The following KIF5C variants were observed in gnomAD, a reference collection of about 807,000 sequenced individuals.
KIF5C encodes kinesin heavy chain isoform 5C.
A neutral mutation model predicts 125.2 loss-of-function variants in KIF5C; 18 were observed. The observed-to-expected ratio is 0.14, with a 90% CI of 0.10 to 0.21. KIF5C has a LOEUF of 0.21. Ranked by LOEUF, KIF5C falls within the 10% of genes least tolerant of loss-of-function variation. The pLI, the probability that KIF5C is intolerant of heterozygous loss-of-function variation, is 1.00. For missense variants in KIF5C, 780 were observed against 1,183.8 expected, an observed-to-expected ratio of 0.66 and a Z score of 5.01; for synonymous variants, 405 against 434.0, an observed-to-expected ratio of 0.93 and a Z score of 0.83.
At chr2:148,958,796 A>G (rs1424985661) in intron 10 of KIF5C, among the ~76,000 whole-genome samples, 3 of 152,132 alleles carry the variant, frequency 2.0e-5, no homozygotes, top group African/African-American at 7.2e-5. Flanking sequence ...AGCCTGGCCA[A>G]CATGGTGAAA....
In KIF5C at chr2:148,884,671, T is replaced by A. The variant is rs138117157; in HGVS notation, c.126+8928T>A. On this transcript the variant is annotated intron_variant, in intron 1 of 25. Transcript: ENST00000435030. ...AATATGTATCTCTTTAATTTTAACA[T>A]AACCACAATAACACTATCACACATA... Among the ~76,000 whole-genome samples, 54 of 152,348 alleles carry A rather than the reference T, an allele frequency of 3.5e-4. No homozygotes were observed. The East Asian group carries it at 0.01, about 28-fold the overall frequency.
At chr2:148,993,152 A>G (rs1015536225) in intron 16 of KIF5C, among the ~76,000 whole-genome samples, 2 of 152,338 alleles carry the variant, frequency 1.3e-5, no homozygotes, top group East Asian at 1.9e-4. Context: ...AGGGTGGTCT[A>G]TAGGGGACAT....
At chr2:148,887,623 C>A (rs1681577684) in intron 1 of KIF5C, among the ~76,000 whole-genome samples, 1 of 151,648 alleles carries the variant, frequency 6.6e-6, no homozygotes, top group African/African-American at 2.4e-5. Flanking sequence ...GGCAGAGGGA[C>A]AATTTGATTC....
At chr2:148,955,202 T>C (rs1682762534) in intron 10 of KIF5C, among the ~76,000 whole-genome samples, 2 of 152,206 alleles carry the variant, frequency 1.3e-5, no homozygotes, top group African/African-American at 4.8e-5. Flanking sequence ...AGATGGGAAC[T>C]AGGTCTCAGA....
At chr2:148,992,834 G>A (rs1681562187) in intron 16 of KIF5C, among the ~76,000 whole-genome samples, 1 of 152,152 alleles carries the variant, frequency 6.6e-6, no homozygotes, top group African/African-American at 2.4e-5. Flanking sequence ...TATGCATTAG[G>A]CAACAGTGTA....
At chr2:149,007,450 G>A (rs60452678) in intron 22 of KIF5C, among the ~76,000 whole-genome samples, 3,401 of 152,184 alleles carry the variant, frequency 0.022, 83 homozygotes, top group Middle Eastern at 0.078. Flanking sequence ...TTTGAGCCTG[G>A]TTCATTAATT....
rs187629514 is a variant in KIF5C at position 149,025,249 on chromosome 2, G to A, written c.*2179G>A. On this transcript the variant is annotated 3_prime_UTR_variant, in exon 26 of 26. Transcript: ENST00000435030. ...TTTACTTTTATTCACAGAGAAAGTTGGCTTTGATGTCTCTTAAAGATAATT... is the reference window on the plus strand; with the variant it reads ...TTTACTTTTATTCACAGAGAAAGTTAGCTTTGATGTCTCTTAAAGATAATT... The A allele has an allele frequency of 4.1e-4, 62 of 152,696 alleles. No individual in the cohort carries two copies. Among genetic ancestry groups the A allele is most frequent in the African/African-American group, 1.4e-3 (58 of 41,564 alleles). The allele number at this position is 152,696 out of a possible 1,614,324, so 9.5% of individuals were successfully genotyped here.
chr2:148,889,033 G>C (rs185131018), intron 1 of KIF5C, among the ~76,000 whole-genome samples: 55 of 152,258 alleles, frequency 3.6e-4, no homozygotes, highest in Admixed American at 5.9e-4. Flanking sequence ...CATGCACAGA[G>C]CTGTGTTCTT....
In KIF5C at chr2:149,024,031, T is replaced by C. The variant is rs2105218223; in HGVS notation, c.*961T>C. 1 of 152,286 alleles carries C rather than the reference T, an allele frequency of 6.6e-6. No homozygotes were observed. Among genetic ancestry groups the C allele is most frequent in the South Asian group, 2.1e-4 (1 of 4,828 alleles). 9.4% of individuals were successfully genotyped at this position (152,286 alleles called of 1,614,324 possible). ...AAAGGAAGCCTTCGGGAGAAAGTGC[T>C]TGTCAAAATTTTGTTCTTTGTGCTT... On this transcript the variant is annotated 3_prime_UTR_variant, in exon 26 of 26. Transcript: ENST00000435030.
At position 148,994,532 on chromosome 2, in the gene KIF5C, G is replaced by A; in HGVS notation, c.2017G>A (p.Ala673Thr). 1 of 1,559,530 alleles carries A rather than the reference G, an allele frequency of 6.4e-7. No individual in the cohort carries two copies. The highest frequency in any genetic ancestry group is 8.7e-7 in the Non-Finnish European group (1 of 1,151,782). ...CAGCGAAGAGCTGGCAAAGCTCCGA[G>A]CCCAGGGTAAATATTTGACTAACGT... is the stretch of plus-strand genomic sequence containing the variant. ...SLSEELAKLR[A>T]QEKMHEVSFQ... Residue 673 changes from alanine (A) to threonine (T), a missense_variant, in exon 17 of 26, where the codon GCC (alanine) becomes ACC (threonine). This residue lies in a region of KIF5C where 573 missense variants were observed against 742.6 expected (regional missense o/e 0.77). Coordinates refer to ENST00000435030, the MANE Select transcript of KIF5C (RefSeq NM_004522.3).
intron 23 of KIF5C, 110 bp from the exon 24 acceptor site, chr2:149,010,025 C>G: frequency 6.9e-7 from 1 of 1,441,416 alleles, no homozygotes; most frequent in Admixed American, 2.9e-5. Flanking sequence ...GTGCCAAGGA[C>G]AACCTAGCAG....
chr2:148,892,603 G>C (rs1681741017), intron 1 of KIF5C, among the ~76,000 whole-genome samples: 1 of 152,142 alleles, frequency 6.6e-6, no homozygotes, highest in South Asian at 2.1e-4. Flanking sequence ...GGCTGTTTAG[G>C]ACCTTCCATA....
chr2:149,015,989 T>C (rs968072259), intron 25 of KIF5C, among the ~76,000 whole-genome samples: 1 of 152,168 alleles, frequency 6.6e-6, no homozygotes, highest in African/African-American at 2.4e-5. Context: ...AACACTGTTT[T>C]AGAAGAGGGG....
chr2:148,950,476 C>T lies in KIF5C; in HGVS notation c.968+14C>T. The T allele has an allele frequency of 3.7e-6, 6 of 1,610,514 alleles. No individual in the cohort carries two copies. Among genetic ancestry groups the T allele is most frequent in the Non-Finnish European group, 4.2e-6 (5 of 1,178,090 alleles). On this transcript the variant is annotated intron_variant, in intron 10 of 25. Transcript: ENST00000435030. Reference sequence around the variant, plus strand: ...GTTCGGACAGAGGTACGTGTGGTCTCTCAGGACCCATCCTCTGTGCTAGGT... The same window carrying T: ...GTTCGGACAGAGGTACGTGTGGTCTTTCAGGACCCATCCTCTGTGCTAGGT...
chr2:148,939,624 A>G (rs1405180711), intron 4 of KIF5C, among the ~76,000 whole-genome samples: 1 of 152,212 alleles, frequency 6.6e-6, no homozygotes, highest in East Asian at 1.9e-4. Flanking sequence ...CTAGGGCTGA[A>G]TTTTACAGTC....
In KIF5C at chr2:148,875,715, T is replaced by G. The variant is rs1681162236; in HGVS notation, c.98T>G (p.Phe33Cys). 1 of 1,603,768 alleles carries G rather than the reference T, an allele frequency of 6.2e-7. No homozygotes were observed. Among genetic ancestry groups the G allele is most frequent in the Non-Finnish European group, 8.5e-7 (1 of 1,175,692 alleles). Residue 33 changes from phenylalanine to cysteine, a missense_variant, in exon 1 of 26, where the codon TTT (phenylalanine) becomes TGT (cysteine). By Grantham distance (205) the Phe-to-Cys change is radical. Coordinates refer to ENST00000435030, the MANE Select transcript of KIF5C (RefSeq NM_004522.3). ...ILRGDKFIPK[F>C]KGDETVVIGQ... ...CGCGGGGACAAATTCATCCCCAAAT[T>G]TAAAGGCGATGAGACCGTGGTGATC... is the stretch of plus-strand genomic sequence containing the variant.
intron 1 of KIF5C, among the ~76,000 whole-genome samples, chr2:148,885,041 G>GCTCACTGCAACCTCCGCCTCCA (rs1263682061): frequency 6.6e-6 from 1 of 150,448 alleles, no homozygotes; most frequent in Non-Finnish European, 1.5e-5. Context: ...CACGATCTTG[G>GCTCACTGCAACCTCCGCCTCCA]CTCACTGCAA....
intron 3 of KIF5C, among the ~76,000 whole-genome samples, chr2:148,933,817 C>T (rs1164417747): frequency 1.3e-5 from 2 of 151,472 alleles, no homozygotes; most frequent in Non-Finnish European, 2.9e-5. Flanking sequence ...CACACACAGA[C>T]ATATGCACAC....
intron 3 of KIF5C, among the ~76,000 whole-genome samples, chr2:148,930,163 T>G (rs533959760): frequency 3.9e-5 from 6 of 152,294 alleles, no homozygotes; most frequent in African/African-American, 1.4e-4. Context: ...GAAGACGAAC[T>G]TATATTTGGC....
Sources: gnomAD v4.1 joint callset for allele counts (sites outside exome capture counted in the v4.1 genomes callset) on GRCh38, gnomAD v4.1.1 for gene constraint, gnomAD v4.1.1 regional missense constraint, MANE v1.5 for transcripts, NCBI Gene and HGNC (gene_info 2026-07-23, HGNC 2026-07-21) for gene names.